POLA1: variants seen among roughly 807,000 people sequenced by gnomAD.
The protein encoded by POLA1 is DNA polymerase alpha 1, catalytic subunit.
A neutral mutation model predicts 124.0 loss-of-function variants in POLA1; 15 were observed. That is an observed-to-expected ratio of 0.12 (90% CI 0.08 to 0.19). The LOEUF is 0.19. Ranked by LOEUF, POLA1 falls within the 10% of genes least tolerant of loss-of-function variation. The pLI is 1.00. For missense variants in POLA1, 886 were observed against 1,103.4 expected (o/e 0.80, Z 2.79); for synonymous variants, 408 against 389.4 (o/e 1.05, Z -0.56).
intron 34 of POLA1, among the ~76,000 whole-genome samples, chrX:24,870,946 C>T (rs2046855815): frequency 9.0e-6 from 1 of 111,552 alleles, no homozygotes; most frequent in Non-Finnish European, 1.9e-5. Flanking sequence ...CCTTACGGTT[C>T]TTGCAATTTA....
intron 34 of POLA1, among the ~76,000 whole-genome samples, chrX:24,870,199 G>A (rs1404382431): frequency 9.0e-6 from 1 of 111,731 alleles, no homozygotes; most frequent in East Asian, 2.8e-4. Context: ...CAATGTTTTA[G>A]TGACATTGTA....
At chrX:24,732,589 G>GTTT (rs1197349636) in intron 16 of POLA1, 135 bp downstream of exon 16, 20 of 116,572 alleles carry the variant, frequency 1.7e-4, no homozygotes, top group East Asian at 3.1e-4. Flanking sequence ...AGAGGGTTTT[G>GTTT]TTTTTTTTTG....
chrX:24,790,911 G>GTATATATATATA (rs56343314), intron 26 of POLA1, among the ~76,000 whole-genome samples: 37 of 78,276 alleles, frequency 4.7e-4, no homozygotes, highest in African/African-American at 1.6e-3. Context: ...TTATGTATAT[G>GTATATATATATA]TATATATATA....
intron 34 of POLA1, among the ~76,000 whole-genome samples, chrX:24,858,435 C>T (rs1322981819): frequency 8.9e-6 from 1 of 111,921 alleles, no homozygotes; most frequent in Non-Finnish European, 1.9e-5. Context: ...TCTGTCACTA[C>T]CCTCTCGACC....
In POLA1 at chrX:24,717,706, A is replaced by G. The variant is rs1221677180; in HGVS notation, c.1035A>G (p.Gln345=). 8.3e-7 allele frequency: 1 copy of G among 1,208,879 alleles called. No individual in the cohort carries two copies. Among genetic ancestry groups the G allele is most frequent in the Non-Finnish European group, 1.1e-6 (1 of 893,452 alleles). ...TGGTAAAAGGGGCAGATGAGGAACA[A>G]GTATTCCACTTTTATTGGTTGGATG... ...LPLVKGADEE[Q]VFHFYWLDAY... The change falls in exon 10 of 37, where the codon CAA becomes CAG. Residue 345 remains glutamine (Q), a synonymous_variant. Transcript: ENST00000379068.
chrX:24,847,578 G>A (rs2046492904), intron 34 of POLA1, among the ~76,000 whole-genome samples: 1 of 112,052 alleles, frequency 8.9e-6, no homozygotes, highest in South Asian at 3.7e-4. Context: ...TTGGTACCAT[G>A]CATATGATAA....
At position 24,789,086 on chromosome X, in the gene POLA1, G is replaced by C. The variant is rs376478259; in HGVS notation, c.2965-20812G>C. The C allele has an allele frequency of 2.0e-4, 235 of 1,193,117 alleles. No individual in the cohort carries two copies. In the African/African-American group the frequency reaches 3.9e-3, roughly 20 times the overall value. On this transcript the variant is annotated intron_variant, in intron 26 of 36. Transcript: ENST00000379068. ...GAAACCCATGGTGTCGGCTGTATCC[G>C]AGAGCTGGGGAGCAGCAGAAAGAGC...
chrX:24,757,532 T>TG (rs1569298392), intron 26 of POLA1, among the ~76,000 whole-genome samples: 1 of 103,300 alleles, frequency 9.7e-6, no homozygotes, highest in African/African-American at 3.8e-5. Flanking sequence ...CTCCACCTCC[T>TG]GGGTTCACGC....
At chrX:24,726,579 A>T (rs869312979) in intron 13 of POLA1, among the ~76,000 whole-genome samples, 1 of 112,760 alleles carries the variant, frequency 8.9e-6, no homozygotes, top group Admixed American at 9.4e-5. Flanking sequence ...AGTATTTTCA[A>T]TGAGTTCCAC....
intron 35 of POLA1, among the ~76,000 whole-genome samples, chrX:24,913,818 G>A (rs758054077): frequency 9.1e-6 from 1 of 109,734 alleles, no homozygotes; most frequent in South Asian, 4.0e-4. Flanking sequence ...ACCCAAGATC[G>A]GGAGTTCGAG....
At chrX:24,765,299 T>G (rs1418292091) in intron 26 of POLA1, among the ~76,000 whole-genome samples, 3 of 108,168 alleles carry the variant, frequency 2.8e-5, no homozygotes, top group African/African-American at 6.7e-5. Flanking sequence ...TTTGTTTTTT[T>G]TTTTGTTTTT....
chrX:24,920,187 A>G (rs1475992658), intron 35 of POLA1, among the ~76,000 whole-genome samples: 1 of 110,941 alleles, frequency 9.0e-6, no homozygotes, highest in African/African-American at 3.3e-5. Flanking sequence ...TTTTTAATCA[A>G]AGGTGCAATT....
intron 36 of POLA1, among the ~76,000 whole-genome samples, chrX:24,991,641 G>T (rs2048536907): frequency 8.9e-6 from 1 of 112,523 alleles, no homozygotes; most frequent in African/African-American, 3.2e-5. Context: ...CAGACCAATG[G>T]TGGAGAGAAT....
chrX:24,698,340 T>C (rs962992814), intron 1 of POLA1, among the ~76,000 whole-genome samples: 1 of 112,097 alleles, frequency 8.9e-6, no homozygotes. Flanking sequence ...CCTCTGATAT[T>C]TCAGTAATTT....
intron 32 of POLA1, among the ~76,000 whole-genome samples, chrX:24,829,798 G>T (rs1273118867): frequency 8.9e-6 from 1 of 112,048 alleles, no homozygotes; most frequent in Non-Finnish European, 1.9e-5. Flanking sequence ...TAGGGGGTAC[G>T]TGGTTTCTAA....
chrX:24,988,304 C>G (rs1420918147), intron 36 of POLA1, among the ~76,000 whole-genome samples: 2 of 112,407 alleles, frequency 1.8e-5, no homozygotes, highest in African/African-American at 6.5e-5. Flanking sequence ...AACATGGTCT[C>G]AGAAACTGCC....
intron 3 of POLA1, 38 bp from the exon 4 acceptor site, chrX:24,704,351 T>C: frequency 9.8e-7 from 1 of 1,024,235 alleles, no homozygotes; most frequent in Non-Finnish European, 1.4e-6. Context: ...TGGCCACTTT[T>C]AGAAATTTGA....
chrX:24,912,505 A>G (rs1482230714), intron 35 of POLA1, among the ~76,000 whole-genome samples: 1 of 112,091 alleles, frequency 8.9e-6, no homozygotes, highest in Non-Finnish European at 1.9e-5. Flanking sequence ...AGAACTCTCA[A>G]AACTCAACAG....
chrX:24,970,630 G>A (rs377268232), intron 36 of POLA1, among the ~76,000 whole-genome samples: 11 of 111,589 alleles, frequency 9.9e-5, no homozygotes, highest in East Asian at 5.6e-4. Flanking sequence ...AAATTAAAAA[G>A]TGGGCAAAGG....
Sources: gnomAD v4.1 joint callset for allele counts (sites outside exome capture counted in the v4.1 genomes callset) on GRCh38, gnomAD v4.1.1 for gene constraint, MANE v1.5 for transcripts, NCBI Gene and HGNC (gene_info 2026-07-23, HGNC 2026-07-21) for gene names.